NFKB2: variants seen among roughly 807,000 people sequenced by gnomAD.
NFKB2 encodes the protein nuclear factor kappa B subunit 2.
A neutral mutation model predicts 109.3 loss-of-function variants in NFKB2; 21 were observed. The observed-to-expected ratio is 0.19, with a 90% CI of 0.14 to 0.28. The LOEUF is 0.28. Among genes scored for constraint, NFKB2 ranks in the 10% least tolerant of loss-of-function variants. The pLI, the probability that NFKB2 is intolerant of heterozygous loss-of-function variation, is 1.00. For synonymous variants in NFKB2, 478 were observed against 489.9 expected (o/e 0.98, Z 0.32); for missense variants, 806 against 1,185.3 (o/e 0.68, Z 4.70).
In NFKB2 at chr10:102,398,898, T is replaced by G; in HGVS notation, c.1117+34T>G. 1 of 1,574,372 alleles carries G rather than the reference T, an allele frequency of 6.4e-7. No homozygotes were observed. Among genetic ancestry groups the G allele is most frequent in the Non-Finnish European group, 8.6e-7 (1 of 1,162,248 alleles). ...GTACTGATGGAGGGAGGGGTAAAGG[T>G]AAGAGAAGCTGTGGAGGAAAAAAAT... On this transcript the variant is annotated intron_variant, in intron 12 of 22. Coordinates refer to ENST00000661543, the MANE Select transcript of NFKB2 (RefSeq NM_001322934.2). The surrounding 1 kb of genome is among the most constrained non-coding windows in gnomAD (Gnocchi z 6.6).
In NFKB2 at chr10:102,400,727, C is replaced by T; in HGVS notation, c.1871C>T (p.Ala624Val). The T allele has an allele frequency of 6.2e-7, 1 of 1,613,926 alleles. No homozygotes were observed. The highest frequency in any genetic ancestry group is 8.5e-7 in the Non-Finnish European group (1 of 1,179,946). The change falls in exon 17 of 23, where the codon GCT (alanine) becomes GTT (valine). Residue 624 changes from alanine (A) to valine (V), a missense_variant. Ala to Val is a moderately conservative substitution (Grantham distance 64). Coordinates refer to ENST00000661543, the MANE Select transcript of NFKB2 (RefSeq NM_001322934.2). The surrounding 1 kb of genome is among the most constrained non-coding windows in gnomAD (Gnocchi z 6.3). ...ECLDLLVDSGAEVEATERQGG... is the reference protein window; with the variant it reads ...ECLDLLVDSGVEVEATERQGG... ...CTGGATCTGCTGGTGGACAGTGGGG[C>T]TGAAGTGGAGGCCACAGAGCGGCAG...
rs772195050 is a variant in NFKB2 at position 102,401,084 on chromosome 10, G to C, written c.2071+35G>C. 9 of 1,613,264 alleles carry C rather than the reference G, an allele frequency of 5.6e-6. No homozygotes were observed. The highest frequency in any genetic ancestry group is 2.2e-5 in the South Asian group (2 of 91,046). ...ACCCTCAGGGGCACTTGAACAGGGT[G>C]GGGGGAAGGGAGAGAGGTGCCTCCC... On this transcript the variant is annotated intron_variant, in intron 18 of 22. Transcript: ENST00000661543. The surrounding 1 kb of genome is among the most constrained non-coding windows in gnomAD (Gnocchi z 4.2).
chr10:102,396,383 G>A lies in NFKB2; in HGVS notation c.103+49G>A, dbSNP rs2061114461. 8.1e-6 allele frequency: 13 copies of A among 1,613,884 alleles called. No homozygotes were observed. The highest frequency in any genetic ancestry group is 1.1e-5 in the Non-Finnish European group (13 of 1,179,756). On this transcript the variant is annotated intron_variant, in intron 3 of 22. Coordinates refer to ENST00000661543, the MANE Select transcript of NFKB2 (RefSeq NM_001322934.2). This position sits in a 1 kb window ranked among gnomAD's most constrained non-coding sequence, Gnocchi z 5.9. ...CTAGTCCTAAAGCGGGGGAGGGAGA[G>A]CATGTGCCCTCTCTCTGGGGGAGGG...
chr10:102,400,047 G>A lies in NFKB2; in HGVS notation c.1470-33G>A. On this transcript the variant is annotated intron_variant, in intron 14 of 22. Transcript: ENST00000661543. The surrounding 1 kb of genome is among the most constrained non-coding windows in gnomAD (Gnocchi z 6.3). ...CTTGAAAGCGAAGGATGCTCTGAGT[G>A]GCTGGGCCAGACTCTCGCTCCCCAA... 6.2e-7 allele frequency: 1 copy of A among 1,603,076 alleles called. No homozygotes were observed. Among genetic ancestry groups the A allele is most frequent in the Non-Finnish European group, 8.5e-7 (1 of 1,171,078 alleles).
chr10:102,398,799 G>GGGGTGGCTCCCACAT lies in NFKB2; in HGVS notation c.1059_1073dup (p.Ser354_Gly358dup). ...TTGCCCACCTTCTCCCAGCCCTTCG[G>GGGGTGGCTCCCACAT]GGGTGGCTCCCACATGGGTGGAGGC... On this transcript the variant is annotated inframe_insertion, in exon 12 of 23. Transcript: ENST00000661543. This position sits in a 1 kb window ranked among gnomAD's most constrained non-coding sequence, Gnocchi z 6.6. 1 of 1,611,758 alleles carries GGGGTGGCTCCCACAT rather than the reference G, an allele frequency of 6.2e-7. No individual in the cohort carries two copies. Among genetic ancestry groups the GGGGTGGCTCCCACAT allele is most frequent in the Non-Finnish European group, 8.5e-7 (1 of 1,179,144 alleles).
In NFKB2 at chr10:102,400,200, G is replaced by C; in HGVS notation, c.1584+6G>C. On this transcript the variant is annotated splice_donor_region_variant and intron_variant, in intron 15 of 22. Coordinates refer to ENST00000661543, the MANE Select transcript of NFKB2 (RefSeq NM_001322934.2). The surrounding 1 kb of genome is among the most constrained non-coding windows in gnomAD (Gnocchi z 6.3). ...TCACCAACCACCTGCACCAGGTGCG[G>C]GGGCGCCTACTGGGGAGGTGGGAGG... 1.9e-6 allele frequency: 3 copies of C among 1,614,004 alleles called. No individual in the cohort carries two copies.
In NFKB2 at chr10:102,400,349, C is replaced by T. The variant is rs2135437654; in HGVS notation, c.1656C>T (p.Asp552=). The part of the protein sequence containing the change: ...VVSFLLRVGA[D]PALLDRHGDS... ...GCTTTCTGCTGCGGGTAGGTGCAGA[C>T]CCAGCTCTGCTGGATCGGCATGGAG... is the stretch of plus-strand genomic sequence containing the variant. The change falls in exon 16 of 23, where the codon GAC becomes GAT. Residue 552 remains aspartate, a synonymous_variant. Transcript: ENST00000661543. The surrounding 1 kb of genome is among the most constrained non-coding windows in gnomAD (Gnocchi z 6.3). 1 of 1,613,888 alleles carries T rather than the reference C, an allele frequency of 6.2e-7. No individual in the cohort carries two copies. The highest frequency in any genetic ancestry group is 2.2e-5 in the East Asian group (1 of 44,866).
chr10:102,399,215 CAAA>C (rs11331332), intron 12 of NFKB2, 70 bp from the exon 13 acceptor site: 3,604 of 1,214,974 alleles, frequency 3.0e-3, no homozygotes, highest in Admixed American at 4.1e-3. Context: ...AACTCCGTCT[CAAA>C]AAAAAAAAAA....
At position 102,397,645 on chromosome 10, in the gene NFKB2, G is replaced by A; in HGVS notation, c.621G>A (p.Leu207=). The A allele has an allele frequency of 6.2e-7, 1 of 1,613,352 alleles. No individual in the cohort carries two copies. Among genetic ancestry groups the A allele is most frequent in the Non-Finnish European group, 8.5e-7 (1 of 1,179,372 alleles). ...FLRASDGSFS[L]PLKPVISQPI... ...GAGCCAGTGATGGCTCCTTCTCCCT[G>A]CCCCTGAAGCCAGTCATCTCCCAGC... The change falls in exon 8 of 23, where the codon CTG becomes CTA. Residue 207 remains leucine (L), a synonymous_variant. Transcript: ENST00000661543. This position sits in a 1 kb window ranked among gnomAD's most constrained non-coding sequence, Gnocchi z 4.7.
In NFKB2 at chr10:102,400,989, C is replaced by A. The variant is rs758117303; in HGVS notation, c.2011C>A (p.Pro671Thr). The A allele has an allele frequency of 1.2e-6, 2 of 1,614,094 alleles. No homozygotes were observed. The highest frequency in any genetic ancestry group is 1.1e-5 in the South Asian group (1 of 91,064). Residue 671 changes from proline to threonine, a missense_variant, in exon 18 of 23, where the codon CCC becomes ACC. Coordinates refer to ENST00000661543, the MANE Select transcript of NFKB2 (RefSeq NM_001322934.2). This position sits in a 1 kb window ranked among gnomAD's most constrained non-coding sequence, Gnocchi z 6.3. ...VNARTFAGNTPLHLAAGLGYP... is the reference protein window; with the variant it reads ...VNARTFAGNTTLHLAAGLGYP... ...CGCTCGCACCTTTGCGGGAAACACA[C>A]CCCTGCACCTGGCAGCTGGACTGGG... is the stretch of plus-strand genomic sequence containing the variant.
chr10:102,401,100 G>A lies in NFKB2; in HGVS notation c.2071+51G>A. 1 of 1,612,178 alleles carries A rather than the reference G, an allele frequency of 6.2e-7. No homozygotes were observed. Among genetic ancestry groups the A allele is most frequent in the East Asian group, 2.2e-5 (1 of 44,830 alleles). On this transcript the variant is annotated intron_variant, in intron 18 of 22. Coordinates refer to ENST00000661543, the MANE Select transcript of NFKB2 (RefSeq NM_001322934.2). The surrounding 1 kb of genome is among the most constrained non-coding windows in gnomAD (Gnocchi z 4.2). The stretch of plus-strand genomic sequence containing the variant: ...GAACAGGGTGGGGGGAAGGGAGAGA[G>A]GTGCCTCCCAGTCCCCCGACTTTGC...
chr10:102,399,900 A>ACG, intron 14 of NFKB2, 180 bp from the exon 15 acceptor site: 1 of 1,079,476 alleles, frequency 9.3e-7, no homozygotes, highest in Non-Finnish European at 1.3e-6. Flanking sequence ...CAAGGGGTAC[A>ACG]GTCATAGCAC....
chr10:102,396,553 G>A lies in NFKB2; in HGVS notation c.144+64G>A. The A allele has an allele frequency of 6.2e-7, 1 of 1,610,884 alleles. No homozygotes were observed. Among genetic ancestry groups the A allele is most frequent in the South Asian group, 1.1e-5 (1 of 90,906 alleles). On this transcript the variant is annotated intron_variant, in intron 4 of 22. Coordinates refer to ENST00000661543, the MANE Select transcript of NFKB2 (RefSeq NM_001322934.2). This position sits in a 1 kb window ranked among gnomAD's most constrained non-coding sequence, Gnocchi z 5.9. ...TTTGGGGACAAATGGGGTAGTGGTA[G>A]CTGGCTGGCCATGGAGGAGCCATTG... is the stretch of plus-strand genomic sequence containing the variant.
chr10:102,395,930 A>C lies in NFKB2; in HGVS notation c.-30A>C. On this transcript the variant is annotated 5_prime_UTR_variant, in exon 2 of 23. Transcript: ENST00000661543. ...TGGGAAGCAGAACCTGGCCGGAGCC[A>C]CTAGACAGAGCCGGGCCTAGCCCAG... 1 of 1,596,224 alleles carries C rather than the reference A, an allele frequency of 6.3e-7. No individual in the cohort carries two copies. Among genetic ancestry groups the C allele is most frequent in the Non-Finnish European group, 8.5e-7 (1 of 1,170,406 alleles).
chr10:102,399,740 G>A, intron 14 of NFKB2, 22 bp downstream of exon 14: 1 of 1,444,940 alleles, frequency 6.9e-7, no homozygotes, highest in Non-Finnish European at 9.1e-7. Context: ...AGGGCCTGGC[G>A]GACGAGGCGC....
At position 102,398,076 on chromosome 10, in the gene NFKB2, G is replaced by T; in HGVS notation, c.757G>T (p.Val253Leu). The change falls in exon 9 of 23, where the codon GTG (valine) becomes TTG (leucine). Residue 253 changes from valine to leucine, a missense_variant. Around this residue, in one of 10 missense-constraint regions of NFKB2, gnomAD observed 64 missense variants for 177.4 expected, o/e 0.36. Coordinates refer to ENST00000661543, the MANE Select transcript of NFKB2 (RefSeq NM_001322934.2). This position sits in a 1 kb window ranked among gnomAD's most constrained non-coding sequence, Gnocchi z 6.6. ...TGAAGTTTATCTGCTTTGTGACAAG[G>T]TGCAGAAAGGTGAGACTGGAGCCCA... ...GDEVYLLCDK[V>L]QKDDIEVRFY... 6.2e-7 allele frequency: 1 copy of T among 1,614,160 alleles called. No individual in the cohort carries two copies. Among genetic ancestry groups the T allele is most frequent in the Non-Finnish European group, 8.5e-7 (1 of 1,180,012 alleles).
chr10:102,396,858 G>A lies in NFKB2; in HGVS notation c.243+35G>A. The A allele has an allele frequency of 6.2e-7, 1 of 1,602,618 alleles. No homozygotes were observed. The highest frequency in any genetic ancestry group is 1.1e-5 in the South Asian group (1 of 90,890). On this transcript the variant is annotated intron_variant, in intron 5 of 22. Coordinates refer to ENST00000661543, the MANE Select transcript of NFKB2 (RefSeq NM_001322934.2). This position sits in a 1 kb window ranked among gnomAD's most constrained non-coding sequence, Gnocchi z 5.9. ...GATGGTGCTGGAGGGTGGGCTAAGT[G>A]GACAGCATGCCCAAGGCCCTGACTG...
At position 102,401,418 on chromosome 10, in the gene NFKB2, G is replaced by A; in HGVS notation, c.2224-31G>A. 2.5e-6 allele frequency: 4 copies of A among 1,613,810 alleles called. No homozygotes were observed. Among genetic ancestry groups the A allele is most frequent in the Non-Finnish European group, 3.4e-6 (4 of 1,179,922 alleles). On this transcript the variant is annotated intron_variant, in intron 19 of 22. Transcript: ENST00000661543. The surrounding 1 kb of genome is among the most constrained non-coding windows in gnomAD (Gnocchi z 4.2). ...AGACACAGGCTTAAGGACGAGGTGGGAGGTAGTCAGAACTGCGGCTGTCTC... is the reference window on the plus strand; with the variant it reads ...AGACACAGGCTTAAGGACGAGGTGGAAGGTAGTCAGAACTGCGGCTGTCTC...
In NFKB2 at chr10:102,396,799, C is replaced by T. The variant is rs1468635663; in HGVS notation, c.219C>T (p.Gly73=). 1.1e-5 allele frequency: 17 copies of T among 1,613,002 alleles called. No homozygotes were observed. Among genetic ancestry groups the T allele is most frequent in the Non-Finnish European group, 1.4e-5 (17 of 1,179,060 alleles). The part of the protein sequence containing the change: ...GGLPGASSEK[G]RKTYPTVKIC... ...TGCCCGGTGCCTCCAGTGAGAAGGGCCGAAAGACCTATCCCACTGTCAAGG... is the reference window on the plus strand; with the variant it reads ...TGCCCGGTGCCTCCAGTGAGAAGGGTCGAAAGACCTATCCCACTGTCAAGG... Residue 73 remains glycine, a synonymous_variant, in exon 5 of 23, where the codon GGC becomes GGT. Transcript: ENST00000661543. This position sits in a 1 kb window ranked among gnomAD's most constrained non-coding sequence, Gnocchi z 5.9.
Sources: allele counts gnomAD v4.1 joint callset, GRCh38; gene constraint gnomAD v4.1.1; regional missense constraint gnomAD v4.1.1; non-coding constraint Gnocchi (gnomAD v3.1); transcripts MANE v1.5; gene names NCBI Gene and HGNC (gene_info 2026-07-23, HGNC 2026-07-21).